Variants in ADGRV1 observed in about 807,000 individuals in gnomAD.
The protein encoded by ADGRV1 is G-protein coupled receptor 98.
ADGRV1 carries 359 observed loss-of-function variants against 596.2 expected under a neutral mutation model. The observed-to-expected ratio is 0.60, with a 90% CI of 0.55 to 0.66. ADGRV1 has a LOEUF of 0.66. Among genes scored for constraint, ADGRV1 ranks in the 30% least tolerant of loss-of-function variants. The pLI is 0.00. For missense variants in ADGRV1, 7,274 were observed against 7,575.6 expected (o/e 0.96, Z 1.48); for synonymous variants, 2,681 against 2,679.2 (o/e 1.00, Z -0.02).
At chr5:91,119,565 T>C (rs566823134) in intron 87 of ADGRV1, among the ~76,000 whole-genome samples, 2 of 152,350 alleles carry the variant, frequency 1.3e-5, no homozygotes, top group South Asian at 4.1e-4. Flanking sequence ...AACTGGCAGC[T>C]GTTCCAAAGA....
chr5:90,777,653 C>G (rs1365256979), intron 61 of ADGRV1, among the ~76,000 whole-genome samples: 1 of 152,096 alleles, frequency 6.6e-6, no homozygotes, highest in Non-Finnish European at 1.5e-5. Context: ...TTTCTTTAAA[C>G]CTTCTGCTTT....
intron 32 of ADGRV1, among the ~76,000 whole-genome samples, chr5:90,693,488 T>A (rs542678563): frequency 8.5e-5 from 13 of 152,146 alleles, no homozygotes; most frequent in Admixed American, 3.3e-4. Flanking sequence ...TCTGCGGTCT[T>A]GAATCCACAG....
intron 59 of ADGRV1, among the ~76,000 whole-genome samples, chr5:90,764,246 C>T (rs1190797189): frequency 2.0e-5 from 3 of 152,138 alleles, no homozygotes; most frequent in Non-Finnish European, 4.4e-5. Flanking sequence ...GGAGCTGTTA[C>T]CAAAATGGGC....
chr5:90,695,268 T>G (rs1405479750), intron 33 of ADGRV1, among the ~76,000 whole-genome samples: 1 of 152,144 alleles, frequency 6.6e-6, no homozygotes, highest in Non-Finnish European at 1.5e-5. Flanking sequence ...ATTGTAAAAT[T>G]TCATAAACAA....
chr5:90,870,902 A>G (rs1018426695), intron 83 of ADGRV1, among the ~76,000 whole-genome samples: 2 of 152,176 alleles, frequency 1.3e-5, no homozygotes, highest in African/African-American at 4.8e-5. Flanking sequence ...GTGTTTATTT[A>G]TATGTTGTGA....
At chr5:90,721,510 A>T (rs1381227718) in intron 45 of ADGRV1, among the ~76,000 whole-genome samples, 10 of 57,352 alleles carry the variant, frequency 1.7e-4, no homozygotes, top group Admixed American at 7.7e-4. Flanking sequence ...TCTAAAAAAT[A>T]AAATAAAATA....
At chr5:90,729,154 T>G (rs1440348663) in intron 49 of ADGRV1, among the ~76,000 whole-genome samples, 3 of 152,312 alleles carry the variant, frequency 2.0e-5, no homozygotes, top group African/African-American at 7.2e-5. Context: ...GAAAGTTATA[T>G]GAAAACAAAA....
chr5:90,750,073 G>A (rs188428041), intron 52 of ADGRV1, among the ~76,000 whole-genome samples: 107 of 152,294 alleles, frequency 7.0e-4, no homozygotes, highest in Non-Finnish European at 1.0e-3. Context: ...GCATGGATGG[G>A]ATGTTGGAAA....
chr5:90,840,575 T>A lies in ADGRV1; in HGVS notation c.16612-3T>A. On this transcript the variant is annotated splice_polypyrimidine_tract_variant and splice_region_variant and intron_variant, in intron 77 of 89. Coordinates refer to ENST00000405460, the MANE Select transcript of ADGRV1 (RefSeq NM_032119.4). Reference sequence around the variant, plus strand: ...CACTTAAATGGTGTTGTTTAATTTCTAGGAGTTGAGGAGTGCTGAAACAAT... The same window carrying A: ...CACTTAAATGGTGTTGTTTAATTTCAAGGAGTTGAGGAGTGCTGAAACAAT... 1 of 1,581,702 alleles carries A rather than the reference T, an allele frequency of 6.3e-7. No individual in the cohort carries two copies. Among genetic ancestry groups the A allele is most frequent in the Non-Finnish European group, 8.6e-7 (1 of 1,162,354 alleles).
chr5:91,012,943 T>C (rs1782845477), intron 85 of ADGRV1, among the ~76,000 whole-genome samples: 1 of 152,006 alleles, frequency 6.6e-6, no homozygotes, highest in African/African-American at 2.4e-5. Flanking sequence ...TCTCATCATT[T>C]AGCTCCAATT....
intron 78 of ADGRV1, among the ~76,000 whole-genome samples, chr5:90,842,528 G>C (rs1191987931): frequency 6.6e-6 from 1 of 152,054 alleles, no homozygotes; most frequent in African/African-American, 2.4e-5. Context: ...AGACCACCGT[G>C]GCCAACATGT....
chr5:90,692,365 A>C (rs2149630090), intron 31 of ADGRV1, among the ~76,000 whole-genome samples: 1 of 152,304 alleles, frequency 6.6e-6, no homozygotes, highest in Middle Eastern at 3.4e-3. Context: ...AATATTAAGG[A>C]GTTTAAACAG....
At chr5:90,561,189 CA>C (rs1046837351) in intron 1 of ADGRV1, among the ~76,000 whole-genome samples, 29 of 151,938 alleles carry the variant, frequency 1.9e-4, no homozygotes, top group African/African-American at 6.3e-4. Flanking sequence ...GGAGGACCCA[CA>C]AAAAAATACT....
rs141438021 is a variant in ADGRV1 at position 91,075,514 on chromosome 5, G to A, written c.18310+2910G>A. ...CATTGAATATAAGGCAAAAGTTCCA[G>A]CACAGTTGTATCTTAATGAGGGAAC... On this transcript the variant is annotated intron_variant, in intron 86 of 89. Coordinates refer to ENST00000405460, the MANE Select transcript of ADGRV1 (RefSeq NM_032119.4). Among the ~76,000 whole-genome samples the A allele has an allele frequency of 7.1e-3, 1,082 of 152,236 alleles. 17 individuals are homozygous for A. Among genetic ancestry groups the A allele is most frequent in the African/African-American group, 0.025 (1,043 of 41,528 alleles).
chr5:90,854,193 T>C lies in ADGRV1; in HGVS notation c.17586T>C (p.Ala5862=). ...QTSLCLLWNQ[A]AASWLSDSQF... is the part of the protein sequence containing the mutation. ...CTCTGTGTCTCCTTTGGAATCAGGC[T>C]GCTGCAAGGTACTTATTAATAAAAT... The change falls in exon 81 of 90, where the codon GCT becomes GCC. Residue 5862 remains alanine, a synonymous_variant. Transcript: ENST00000405460. 6.5e-7 allele frequency: 1 copy of C among 1,544,280 alleles called. No homozygotes were observed. Among genetic ancestry groups the C allele is most frequent in the South Asian group, 1.2e-5 (1 of 82,218 alleles).
chr5:90,666,444 T>C (rs1771401740), intron 21 of ADGRV1, among the ~76,000 whole-genome samples: 2 of 152,120 alleles, frequency 1.3e-5, no homozygotes, highest in South Asian at 4.2e-4. Flanking sequence ...AACACCTGCC[T>C]TTTTTTGTTT....
At position 90,628,738 on chromosome 5, in the gene ADGRV1, TTGA is replaced by T; in HGVS notation, c.1423_1425del (p.Asp475del). The T allele has an allele frequency of 6.2e-7, 1 of 1,614,002 alleles. No individual in the cohort carries two copies. Among genetic ancestry groups the T allele is most frequent in the Non-Finnish European group, 8.5e-7 (1 of 1,179,846 alleles). On this transcript the variant is annotated inframe_deletion, in exon 8 of 90. Transcript: ENST00000405460. Reference sequence around the variant, plus strand: ...TTGGCAACAATTCCTCTTACTGTGGTTGATGATGATCTTCCAGAAGAGGCAGAA... The same window carrying T: ...TTGGCAACAATTCCTCTTACTGTGGTTGATGATCTTCCAGAAGAGGCAGAA...
chr5:90,928,357 T>G (rs1228756853), intron 83 of ADGRV1, among the ~76,000 whole-genome samples: 4 of 151,698 alleles, frequency 2.6e-5, no homozygotes, highest in Non-Finnish European at 5.9e-5. Context: ...CTCTAAACTT[T>G]CCTTCTCACT....
intron 79 of ADGRV1, among the ~76,000 whole-genome samples, chr5:90,851,132 T>A (rs868223485): frequency 2.8e-4 from 20 of 71,962 alleles, no homozygotes; most frequent in East Asian, 1.1e-3. Flanking sequence ...TGTGTGTGTG[T>A]GTGAGAGAGA....
Sources: gnomAD v4.1 joint callset for allele counts (sites outside exome capture counted in the v4.1 genomes callset) on GRCh38, gnomAD v4.1.1 for gene constraint, MANE v1.5 for transcripts, NCBI Gene and HGNC (gene_info 2026-07-23, HGNC 2026-07-21) for gene names.